The following FBXL17 variants were observed in gnomAD, a reference collection of about 807,000 sequenced individuals.
FBXL17 encodes the protein F-box/LRR-repeat protein 17.
In FBXL17, 22 loss-of-function variants were observed where a neutral mutation model predicts 66.2. The ratio of observed to expected loss-of-function variants is 0.33; its 90% CI spans 0.24 to 0.47. FBXL17 has a LOEUF of 0.47. FBXL17 is among the 20% of genes least tolerant of loss of function. The probability of loss-of-function intolerance (pLI) is 1.00; values close to 1 mark genes in which losing one functional copy is unlikely to be tolerated. For missense variants in FBXL17, 878 were observed against 948.2 expected (o/e 0.93, Z 0.97); for synonymous variants, 474 against 400.5 (o/e 1.18, Z -2.19).
intron 7 of FBXL17, among the ~76,000 whole-genome samples, chr5:107,994,880 T>A (rs1317672377): frequency 6.6e-6 from 1 of 152,038 alleles, no homozygotes; most frequent in Non-Finnish European, 1.5e-5. Context: ...TACAGATATT[T>A]CTATAATGTC....
chr5:108,108,559 T>C (rs1417458156), intron 6 of FBXL17, among the ~76,000 whole-genome samples: 1 of 152,210 alleles, frequency 6.6e-6, no homozygotes, highest in African/African-American at 2.4e-5. Flanking sequence ...GATAGATCTA[T>C]ATATTTAAAT....
At chr5:108,342,154 G>A (rs1441349644) in intron 4 of FBXL17, among the ~76,000 whole-genome samples, 1 of 152,072 alleles carries the variant, frequency 6.6e-6, no homozygotes, top group Non-Finnish European at 1.5e-5. Context: ...AGAGTACAGA[G>A]TTATCAGTTC....
At position 108,063,196 on chromosome 5, in the gene FBXL17, G is replaced by A. The variant is rs190405790; in HGVS notation, c.1746-42195C>T. On this transcript the variant is annotated intron_variant, in intron 6 of 8. Transcript: ENST00000542267. ...CAATGGAAAGCTGACATTCCTAAAT[G>A]TACAAAGAGGAGGCACTGTTGAACT... Among the ~76,000 whole-genome samples, 3 of 152,190 alleles carry A rather than the reference G, an allele frequency of 2.0e-5. No homozygotes were observed. The East Asian group carries it at 5.8e-4, about 29-fold the overall frequency.
At chr5:108,260,503 C>G (rs183921119) in intron 4 of FBXL17, among the ~76,000 whole-genome samples, 35 of 152,208 alleles carry the variant, frequency 2.3e-4, no homozygotes, top group African/African-American at 8.2e-4. Flanking sequence ...CTTCCCCTTT[C>G]AGTAGGCATA....
chr5:108,357,425 C>A (rs55825519), intron 3 of FBXL17, among the ~76,000 whole-genome samples: 7,854 of 151,940 alleles, frequency 0.052, 679 homozygotes, highest in African/African-American at 0.18. Flanking sequence ...ATGGAAAGAT[C>A]CAGCAGGCAG....
chr5:108,378,207 T>A (rs1749579122), intron 1 of FBXL17, among the ~76,000 whole-genome samples: 2 of 151,970 alleles, frequency 1.3e-5, no homozygotes, highest in South Asian at 4.1e-4. Flanking sequence ...ATAGTTTAGT[T>A]TCTCTCCTCT....
chr5:108,144,144 C>T (rs1333428138), intron 6 of FBXL17, among the ~76,000 whole-genome samples: 1 of 152,108 alleles, frequency 6.6e-6, no homozygotes, highest in Non-Finnish European at 1.5e-5. Context: ...TAAAAAGAAT[C>T]TTAACTTAAA....
chr5:108,269,822 T>C (rs1757193646), intron 4 of FBXL17, among the ~76,000 whole-genome samples: 1 of 152,116 alleles, frequency 6.6e-6, no homozygotes, highest in Non-Finnish European at 1.5e-5. Context: ...TGAAATCTTT[T>C]AGACGAGGGT....
chr5:108,369,018 A>C (rs1160135425), intron 1 of FBXL17, among the ~76,000 whole-genome samples: 1 of 151,982 alleles, frequency 6.6e-6, no homozygotes, highest in Non-Finnish European at 1.5e-5. Context: ...GCTGAATTTC[A>C]CCCTGACCAT....
intron 6 of FBXL17, among the ~76,000 whole-genome samples, chr5:108,070,769 G>A (rs1349609538): frequency 6.6e-6 from 1 of 152,120 alleles, no homozygotes; most frequent in Non-Finnish European, 1.5e-5. Flanking sequence ...ATAATTTAAG[G>A]CTGAATAGTT....
chr5:108,105,175 C>CA (rs776971709), intron 6 of FBXL17, among the ~76,000 whole-genome samples: 1 of 151,908 alleles, frequency 6.6e-6, no homozygotes, highest in Non-Finnish European at 1.5e-5. Flanking sequence ...CTTTTTGTAT[C>CA]AAAAAATAGC....
At chr5:108,037,006 A>C (rs1395709378) in intron 6 of FBXL17, among the ~76,000 whole-genome samples, 1 of 152,160 alleles carries the variant, frequency 6.6e-6, no homozygotes, top group Non-Finnish European at 1.5e-5. Flanking sequence ...AACAAAGGGA[A>C]TTAAAAGGAG....
chr5:107,933,753 A>T (rs574304178), intron 7 of FBXL17, among the ~76,000 whole-genome samples: 38 of 152,242 alleles, frequency 2.5e-4, no homozygotes, highest in East Asian at 1.2e-3. Flanking sequence ...AGGAATTTTT[A>T]AAAAATCTGT....
chr5:107,868,472 C>T (rs985860414), intron 8 of FBXL17, among the ~76,000 whole-genome samples: 4 of 152,176 alleles, frequency 2.6e-5, no homozygotes, highest in African/African-American at 7.2e-5. Flanking sequence ...GATGGAAATG[C>T]GATGAAGCTG....
intron 4 of FBXL17, chr5:108,298,796 G>C: frequency 1.3e-6 from 1 of 798,120 alleles, no homozygotes; most frequent in Non-Finnish European, 1.5e-6. Flanking sequence ...ACCTAATTTA[G>C]TGTATACATA....
chr5:108,075,769 A>C (rs1160762804), intron 6 of FBXL17, among the ~76,000 whole-genome samples: 1 of 151,926 alleles, frequency 6.6e-6, no homozygotes, highest in African/African-American at 2.4e-5. Flanking sequence ...AAGCCACCGC[A>C]TCTGACCCCA....
rs183003624 is a variant in FBXL17, at chr5:108,171,889, G to A, written c.1745+14228C>T. On this transcript the variant is annotated intron_variant, in intron 6 of 8. Transcript: ENST00000542267. ...ATGCTGTTCTTGCAATGGTGAGTAAGTCTCACAAGATCTGATGGTTTTAAA... is the reference window on the plus strand; with the variant it reads ...ATGCTGTTCTTGCAATGGTGAGTAAATCTCACAAGATCTGATGGTTTTAAA... Among the ~76,000 whole-genome samples, 16 of 152,274 alleles carry A rather than the reference G, an allele frequency of 1.1e-4. No individual in the cohort carries two copies. The East Asian group carries it at 2.9e-3, about 28-fold the overall frequency.
At chr5:107,931,674 T>G (rs1444738607) in intron 7 of FBXL17, among the ~76,000 whole-genome samples, 1 of 152,174 alleles carries the variant, frequency 6.6e-6, no homozygotes, top group African/African-American at 2.4e-5. Flanking sequence ...AAACAGAGTC[T>G]CTAGAATATG....
chr5:108,272,510 T>C (rs1757318173), intron 4 of FBXL17, among the ~76,000 whole-genome samples: 1 of 151,822 alleles, frequency 6.6e-6, no homozygotes, highest in Non-Finnish European at 1.5e-5. Flanking sequence ...TGTGCTACCA[T>C]GCCTGGCTAA....
Sources: gnomAD v4.1 joint callset for allele counts (sites outside exome capture counted in the v4.1 genomes callset) on GRCh38, gnomAD v4.1.1 for gene constraint, MANE v1.5 for transcripts, NCBI Gene and HGNC (gene_info 2026-07-23, HGNC 2026-07-21) for gene names.